Variants in ADAMTS19 observed in about 807,000 individuals in gnomAD.
ADAMTS19 encodes ADAM metallopeptidase with thrombospondin type 1 motif 19.
A neutral mutation model predicts 153.3 loss-of-function variants in ADAMTS19; 93 were observed. The ratio of observed to expected loss-of-function variants is 0.61; its 90% CI spans 0.51 to 0.72. ADAMTS19 has a LOEUF of 0.72. Among genes scored for constraint, ADAMTS19 ranks in the 30% least tolerant of loss-of-function variants. The probability of loss-of-function intolerance (pLI) is 0.00; values close to 1 mark genes in which losing one functional copy is unlikely to be tolerated. For synonymous variants in ADAMTS19, 600 were observed against 556.6 expected, an observed-to-expected ratio of 1.08 and a Z score of -1.10; for missense variants, 1,482 against 1,552.1, an observed-to-expected ratio of 0.95 and a Z score of 0.76.
At chr5:129,487,138 C>G (rs1001670586) in intron 2 of ADAMTS19, among the ~76,000 whole-genome samples, 2 of 152,228 alleles carry the variant, frequency 1.3e-5, no homozygotes, top group Non-Finnish European at 2.9e-5. Context: ...ATAATTTCTT[C>G]CTTAGAAGAC....
At chr5:129,662,173 T>C (rs559657132) in intron 15 of ADAMTS19, among the ~76,000 whole-genome samples, 28 of 152,336 alleles carry the variant, frequency 1.8e-4, no homozygotes, top group African/African-American at 6.5e-4. Context: ...AATATGGCGT[T>C]TGTTACTTCG....
intron 3 of ADAMTS19, among the ~76,000 whole-genome samples, chr5:129,512,539 A>G (rs1751476456): frequency 6.6e-6 from 1 of 152,132 alleles, no homozygotes; most frequent in Non-Finnish European, 1.5e-5. Context: ...TTCAATATGC[A>G]TGATTTTCAC....
At chr5:129,648,252 C>A (rs17163218) in intron 12 of ADAMTS19, among the ~76,000 whole-genome samples, 2 of 152,034 alleles carry the variant, frequency 1.3e-5, no homozygotes. Flanking sequence ...TTAATGACAG[C>A]AAAAGCTAAG....
In ADAMTS19 at chr5:129,523,170, G is replaced by A. The variant is rs145916512; in HGVS notation, c.914-3114G>A. 6.3e-4 allele frequency among the ~76,000 whole-genome samples: 96 copies of A among 152,090 alleles called. 1 individual carries two copies. Among genetic ancestry groups the A allele is most frequent in the African/African-American group, 2.2e-3 (93 of 41,520 alleles). Reference sequence around the variant, plus strand: ...TAGTAGAATAGGATAGAATAGAAGAGAATAATAGAATAGAATAGGCAAGCT... The same window carrying A: ...TAGTAGAATAGGATAGAATAGAAGAAAATAATAGAATAGAATAGGCAAGCT... On this transcript the variant is annotated intron_variant, in intron 3 of 22. Coordinates refer to ENST00000274487, the MANE Select transcript of ADAMTS19 (RefSeq NM_133638.6).
intron 15 of ADAMTS19, 98 bp downstream of exon 15, chr5:129,658,835 A>G (rs1245141105): frequency 4.6e-6 from 6 of 1,298,522 alleles, no homozygotes; most frequent in African/African-American, 4.5e-5. Flanking sequence ...TTCTAATTCT[A>G]TTGAAGACTT....
At chr5:129,586,937 T>C (rs75443441) in intron 7 of ADAMTS19, among the ~76,000 whole-genome samples, 3,620 of 152,316 alleles carry the variant, frequency 0.024, 118 homozygotes, top group African/African-American at 0.078. Context: ...TTTTGTTGTC[T>C]GTTTCCTCTA....
At chr5:129,560,398 G>C (rs915553377) in intron 7 of ADAMTS19, among the ~76,000 whole-genome samples, 2 of 152,054 alleles carry the variant, frequency 1.3e-5, no homozygotes, top group African/African-American at 4.8e-5. Flanking sequence ...ACTTTAATTA[G>C]AAGTTTCAGT....
intron 21 of ADAMTS19, among the ~76,000 whole-genome samples, chr5:129,715,607 G>A: frequency 6.6e-6 from 1 of 152,188 alleles, no homozygotes. Context: ...ATTATCTGTA[G>A]TGGGAGGTAA....
intron 18 of ADAMTS19, among the ~76,000 whole-genome samples, chr5:129,693,902 G>C (rs1024139023): frequency 9.9e-5 from 15 of 151,828 alleles, no homozygotes; most frequent in African/African-American, 3.6e-4. Flanking sequence ...GAATTCTTGG[G>C]GTCTTTATTA....
intron 21 of ADAMTS19, among the ~76,000 whole-genome samples, chr5:129,718,531 A>T (rs149027906): frequency 0.013 from 1,954 of 152,204 alleles, 34 homozygotes; most frequent in African/African-American, 0.043. Flanking sequence ...AACAAACCTA[A>T]CTTTTGTTCT....
chr5:129,713,822 G>C (rs1756589860), intron 21 of ADAMTS19, among the ~76,000 whole-genome samples: 1 of 76,516 alleles, frequency 1.3e-5, no homozygotes, highest in South Asian at 4.7e-4. Context: ...CCTGAGCTGG[G>C]GGTTCTGGCC....
chr5:129,582,479 T>C (rs1749563051), intron 7 of ADAMTS19, among the ~76,000 whole-genome samples: 1 of 152,108 alleles, frequency 6.6e-6, no homozygotes, highest in Non-Finnish European at 1.5e-5. Flanking sequence ...TTTGAGCCTA[T>C]GTGTGTCTTT....
At chr5:129,592,084 TA>T (rs1421073549) in intron 7 of ADAMTS19, among the ~76,000 whole-genome samples, 5 of 151,864 alleles carry the variant, frequency 3.3e-5, no homozygotes, top group Admixed American at 6.6e-5. Flanking sequence ...CTTTTTGTAT[TA>T]AAAAAAATTG....
intron 5 of ADAMTS19, 136 bp from the exon 6 acceptor site, chr5:129,528,384 T>A (rs1247229604): frequency 1.7e-6 from 1 of 597,630 alleles, no homozygotes; most frequent in East Asian, 3.4e-5. Flanking sequence ...CCTGCATGTC[T>A]TCCAGGTTCT....
At chr5:129,591,073 C>G (rs1014077178) in intron 7 of ADAMTS19, among the ~76,000 whole-genome samples, 4 of 152,104 alleles carry the variant, frequency 2.6e-5, no homozygotes, top group Admixed American at 2.6e-4. Flanking sequence ...GCCCTTTTAC[C>G]CTGTTTAGTC....
At chr5:129,679,427 CTAAA>C (rs1303500410) in intron 16 of ADAMTS19, among the ~76,000 whole-genome samples, 1 of 152,056 alleles carries the variant, frequency 6.6e-6, no homozygotes, top group Non-Finnish European at 1.5e-5. Flanking sequence ...ACTGGATAGA[CTAAA>C]TAGATACACA....
chr5:129,493,470 C>T (rs1021853046), intron 2 of ADAMTS19, among the ~76,000 whole-genome samples: 2 of 151,836 alleles, frequency 1.3e-5, no homozygotes, highest in Admixed American at 6.6e-5. Context: ...GTTAATTCCC[C>T]TTTCAGTATT....
At chr5:129,608,503 G>A (rs376095773) in intron 8 of ADAMTS19, among the ~76,000 whole-genome samples, 2 of 152,186 alleles carry the variant, frequency 1.3e-5, no homozygotes, top group East Asian at 3.9e-4. Flanking sequence ...CAGCTTCCAA[G>A]AAGAGTCCTT....
At chr5:129,698,129 A>G (rs1755647829) in intron 19 of ADAMTS19, among the ~76,000 whole-genome samples, 1 of 152,230 alleles carries the variant, frequency 6.6e-6, no homozygotes, top group Non-Finnish European at 1.5e-5. Flanking sequence ...TTTCTGAGTG[A>G]GAAATTTTTG....
Sources: allele counts gnomAD v4.1 joint callset (sites outside exome capture counted in the v4.1 genomes callset), GRCh38; gene constraint gnomAD v4.1.1; transcripts MANE v1.5; gene names NCBI Gene and HGNC (gene_info 2026-07-23, HGNC 2026-07-21).